The following RBFOX3 variants were observed in gnomAD, a reference collection of about 807,000 sequenced individuals.
RBFOX3 encodes the protein RNA binding fox-1 homolog 3.
Under a neutral mutation model 48.7 loss-of-function variants are expected in RBFOX3, and 17 were observed. The ratio of observed to expected loss-of-function variants is 0.35; its 90% confidence interval spans 0.24 to 0.52. RBFOX3 has a LOEUF of 0.52. RBFOX3 is among the 20% of genes least tolerant of loss of function. The pLI is 0.94. For synonymous variants in RBFOX3, 212 were observed against 209.5 expected (o/e 1.01, Z -0.10); for missense variants, 382 against 497.5 (o/e 0.77, Z 2.21).
intron 1 of RBFOX3, among the ~76,000 whole-genome samples, chr17:79,534,837 A>T (rs1406552970): frequency 6.6e-6 from 1 of 152,208 alleles, no homozygotes; most frequent in African/African-American, 2.4e-5. Flanking sequence ...CCCACCTGCC[A>T]TGTGCAAAAC....
At chr17:79,266,067 T>C (rs1209676097) in intron 3 of RBFOX3, among the ~76,000 whole-genome samples, 2 of 152,256 alleles carry the variant, frequency 1.3e-5, no homozygotes, top group East Asian at 3.8e-4. Flanking sequence ...GGTGAGACTG[T>C]CTGCTCCAGC....
At position 79,090,759 on chromosome 17, in the gene RBFOX3, G is replaced by C. The variant is rs1040581546; in HGVS notation, c.*124C>G. On this transcript the variant is annotated 3_prime_UTR_variant, in exon 15 of 15. Coordinates refer to ENST00000693108, the MANE Select transcript of RBFOX3 (RefSeq NM_001350451.2). Reference sequence around the variant, plus strand: ...ACTTGGACTTGGTTGGATGCCTCTTGGTTTGGTTGGTTTTTTTTTTGTTGC... The same window carrying C: ...ACTTGGACTTGGTTGGATGCCTCTTCGTTTGGTTGGTTTTTTTTTTGTTGC... The C allele has an allele frequency of 1.4e-5, 17 of 1,223,656 alleles. No individual in the cohort carries two copies. The African/African-American group carries it at 2.6e-4, about 19-fold the overall frequency. 75.8% of individuals were successfully genotyped at this position (1,223,656 alleles called of 1,614,324 possible). A position where few individuals can be genotyped will look rare whatever the true frequency, so the allele number is the denominator to read the frequency against.
At chr17:79,431,247 T>C (rs2068388665) in intron 2 of RBFOX3, among the ~76,000 whole-genome samples, 2 of 152,202 alleles carry the variant, frequency 1.3e-5, no homozygotes. Flanking sequence ...TCTCAGACAC[T>C]GACTTTACAA....
intron 4 of RBFOX3, among the ~76,000 whole-genome samples, chr17:79,142,886 C>T (rs1011704698): frequency 2.0e-5 from 3 of 152,128 alleles, no homozygotes; most frequent in African/African-American, 4.8e-5. Flanking sequence ...GGAGTAATGC[C>T]CCCCATAACC....
rs112560991 is a variant in RBFOX3 at position 79,465,469 on chromosome 17, C to A, written c.-175+16985G>T. ...CCCAGCGAACAGATGGCAGCGTGGG[C>A]GTTAGGTACCAGCCTCCTGGCAATC... On this transcript the variant is annotated intron_variant, in intron 2 of 14. Coordinates refer to ENST00000693108, the MANE Select transcript of RBFOX3 (RefSeq NM_001350451.2). Among the ~76,000 whole-genome samples the A allele has an allele frequency of 1.2e-3, 182 of 152,154 alleles. 1 individual carries two copies. Among genetic ancestry groups the A allele is most frequent in the African/African-American group, 4.2e-3 (176 of 41,492 alleles).
rs945396430 is a variant in RBFOX3 at position 79,149,167 on chromosome 17, G to A, written c.-33-33419C>T. ...CCCCCGCTGCCTGCCAGGAAAATGC[G>A]ACGTCTGTGCTATTATTGCCGGGGT... is the stretch of plus-strand genomic sequence containing the variant. On this transcript the variant is annotated intron_variant, in intron 4 of 14. Coordinates refer to ENST00000693108, the MANE Select transcript of RBFOX3 (RefSeq NM_001350451.2). Among the ~76,000 whole-genome samples the A allele has an allele frequency of 6.6e-5, 10 of 152,346 alleles. No homozygotes were observed. In the East Asian group the frequency reaches 1.7e-3, roughly 26 times the overall value.
At chr17:79,389,134 G>T (rs1003971557) in intron 2 of RBFOX3, among the ~76,000 whole-genome samples, 4 of 152,208 alleles carry the variant, frequency 2.6e-5, no homozygotes, top group Non-Finnish European at 4.4e-5. Flanking sequence ...CGTCACAGGG[G>T]AGGAAACTCA....
chr17:79,245,608 C>T (rs989142170), intron 3 of RBFOX3, among the ~76,000 whole-genome samples: 5 of 149,116 alleles, frequency 3.4e-5, no homozygotes, highest in South Asian at 2.1e-4. Flanking sequence ...TTTATCCATT[C>T]GTCTGTAGGT....
At chr17:79,442,765 G>A (rs2071407453) in intron 2 of RBFOX3, among the ~76,000 whole-genome samples, 1 of 152,080 alleles carries the variant, frequency 6.6e-6, no homozygotes, top group African/African-American at 2.4e-5. Context: ...GCAGACTGGG[G>A]TGGGGGTGAG....
intron 1 of RBFOX3, among the ~76,000 whole-genome samples, chr17:79,579,920 G>A (rs1441314443): frequency 9.3e-6 from 1 of 106,958 alleles, no homozygotes; most frequent in Admixed American, 1.1e-4. Flanking sequence ...CTGTGGTGGG[G>A]GGATCACTCG....
intron 1 of RBFOX3, among the ~76,000 whole-genome samples, chr17:79,510,557 G>A (rs2083982668): frequency 1.3e-5 from 2 of 152,170 alleles, no homozygotes; most frequent in Admixed American, 6.5e-5. Flanking sequence ...CATTCCCCGT[G>A]TAAAGTTGGG....
chr17:79,384,860 C>T (rs1268763144), intron 2 of RBFOX3, among the ~76,000 whole-genome samples: 3 of 152,250 alleles, frequency 2.0e-5, no homozygotes, highest in South Asian at 2.1e-4. Flanking sequence ...AGCGGCAAAA[C>T]GCATCTTCCG....
At chr17:79,372,540 G>A (rs2058705584) in intron 2 of RBFOX3, among the ~76,000 whole-genome samples, 1 of 151,760 alleles carries the variant, frequency 6.6e-6, no homozygotes, top group South Asian at 2.1e-4. Context: ...TCCCACCCCT[G>A]CGGGTCTTTC....
intron 4 of RBFOX3, among the ~76,000 whole-genome samples, chr17:79,117,523 C>T (rs2034411254): frequency 1.3e-5 from 2 of 152,216 alleles, no homozygotes; most frequent in Admixed American, 6.5e-5. Flanking sequence ...GGTCTTTCTC[C>T]CGCTTCCCTC....
At chr17:79,152,694 G>A (rs910342053) in intron 4 of RBFOX3, among the ~76,000 whole-genome samples, 1 of 152,206 alleles carries the variant, frequency 6.6e-6, no homozygotes, top group African/African-American at 2.4e-5. Flanking sequence ...GCCAGCGAGA[G>A]GGCCAGAGCA....
At chr17:79,511,714 C>A (rs548615824) in intron 1 of RBFOX3, among the ~76,000 whole-genome samples, 6 of 150,136 alleles carry the variant, frequency 4.0e-5, no homozygotes, top group Non-Finnish European at 8.9e-5. Flanking sequence ...GACCAGGGGA[C>A]GCACACCCGG....
chr17:79,476,896 AAAG>A (rs2077856806), intron 2 of RBFOX3, among the ~76,000 whole-genome samples: 1 of 152,076 alleles, frequency 6.6e-6, no homozygotes, highest in South Asian at 2.1e-4. Context: ...GGGAGAGAAA[AAAG>A]AAGAAAGAGG....
At chr17:79,265,122 C>T (rs886135838) in intron 3 of RBFOX3, among the ~76,000 whole-genome samples, 2 of 152,228 alleles carry the variant, frequency 1.3e-5, no homozygotes, top group East Asian at 1.9e-4. Context: ...CAGAGGCAGT[C>T]CAGCCCCCCG....
chr17:79,525,089 C>T (rs2086622600), intron 1 of RBFOX3, among the ~76,000 whole-genome samples: 1 of 152,212 alleles, frequency 6.6e-6, no homozygotes. Flanking sequence ...GTCTCCCAAC[C>T]TTTCGGGGTG....
Sources: gnomAD v4.1 joint callset for allele counts (sites outside exome capture counted in the v4.1 genomes callset) on GRCh38, gnomAD v4.1.1 for gene constraint, MANE v1.5 for transcripts, NCBI Gene and HGNC (gene_info 2026-07-23, HGNC 2026-07-21) for gene names.